CAMTA1: variants seen among roughly 807,000 people sequenced by gnomAD.
CAMTA1 encodes calmodulin binding transcription activator 1, also known as calmodulin-binding transcription activator 1.
Under a neutral mutation model 170.9 loss-of-function variants are expected in CAMTA1, and 27 were observed. The observed-to-expected ratio is 0.16, with a 90% CI of 0.12 to 0.22. The LOEUF is 0.22. Among genes scored for constraint, CAMTA1 ranks in the 10% least tolerant of loss-of-function variants. The probability of loss-of-function intolerance (pLI) is 1.00; values close to 1 mark genes in which losing one functional copy is unlikely to be tolerated. For synonymous variants in CAMTA1, 833 were observed against 891.5 expected, an observed-to-expected ratio of 0.93 and a Z score of 1.17; for missense variants, 1,619 against 2,217.2, an observed-to-expected ratio of 0.73 and a Z score of 5.42.
In CAMTA1 at chr1:7,001,670, C is replaced by T. The variant is rs142336957; in HGVS notation, c.235-89634C>T. Among the ~76,000 whole-genome samples the T allele has an allele frequency of 5.0e-3, 758 of 152,280 alleles. 12 individuals carry two copies. The highest frequency in any genetic ancestry group is 0.017 in the African/African-American group (710 of 41,552). ...TTCAAAGGATGCTGGTCTTCACCAC[C>T]TTTGTCATCCTTTTGGGAGTGAGCC... On this transcript the variant is annotated intron_variant, in intron 3 of 22. Transcript: ENST00000303635.
chr1:7,110,932 A>G (rs546659941), intron 4 of CAMTA1, among the ~76,000 whole-genome samples: 1 of 152,326 alleles, frequency 6.6e-6, no homozygotes, highest in African/African-American at 2.4e-5. Flanking sequence ...ACAGTTCTGT[A>G]TGTTAGACGT....
intron 4 of CAMTA1, among the ~76,000 whole-genome samples, chr1:7,235,729 G>A (rs1663707165): frequency 1.3e-5 from 2 of 152,224 alleles, no homozygotes; most frequent in African/African-American, 2.4e-5. Flanking sequence ...GCAAAAGCAG[G>A]AGCAATCACG....
At chr1:7,575,286 A>G (rs905757378) in intron 6 of CAMTA1, among the ~76,000 whole-genome samples, 1 of 151,930 alleles carries the variant, frequency 6.6e-6, no homozygotes, top group South Asian at 2.1e-4. Context: ...GAATTCCTCT[A>G]CCCCACACTG....
At chr1:6,879,104 A>C (rs1321165231) in intron 3 of CAMTA1, among the ~76,000 whole-genome samples, 1 of 152,208 alleles carries the variant, frequency 6.6e-6, no homozygotes, top group Non-Finnish European at 1.5e-5. Flanking sequence ...TCCGCTTGAA[A>C]AAGAGTCCAT....
chr1:7,288,687 G>T (rs1672683225), intron 5 of CAMTA1, among the ~76,000 whole-genome samples: 1 of 152,234 alleles, frequency 6.6e-6, no homozygotes, highest in South Asian at 2.1e-4. Flanking sequence ...CTGAAAGAGA[G>T]CAGTAACCGT....
intron 5 of CAMTA1, among the ~76,000 whole-genome samples, chr1:7,346,359 T>C (rs4908456): frequency 0.25 from 38,534 of 152,098 alleles, 5,604 homozygotes; most frequent in East Asian, 0.56. Flanking sequence ...CTCCTCTTTC[T>C]GATTGTCTCT....
At chr1:7,186,149 A>C (rs1159790626) in intron 4 of CAMTA1, among the ~76,000 whole-genome samples, 2 of 152,154 alleles carry the variant, frequency 1.3e-5, no homozygotes, top group African/African-American at 4.8e-5. Context: ...GCATGTCTGT[A>C]GGTAGAGAGG....
chr1:7,032,857 G>T (rs1444160714), intron 3 of CAMTA1, among the ~76,000 whole-genome samples: 4 of 151,854 alleles, frequency 2.6e-5, no homozygotes, highest in African/African-American at 9.7e-5. Flanking sequence ...TTTTCTCTTA[G>T]CACTTTAAAG....
chr1:6,799,825 C>A (rs951611629), intron 1 of CAMTA1, among the ~76,000 whole-genome samples: 12 of 152,076 alleles, frequency 7.9e-5, no homozygotes, highest in African/African-American at 2.9e-4. Flanking sequence ...TATTTTTGGA[C>A]CTTAGTTGAC....
Position 7,753,047 on chromosome 1 carries a change from C to A in CAMTA1, c.4958+514C>A, listed in dbSNP as rs549047933. Among the ~76,000 whole-genome samples, 156 of 152,274 alleles carry A rather than the reference C, an allele frequency of 1.0e-3. 1 individual carries two copies. Among genetic ancestry groups the A allele is most frequent in the African/African-American group, 3.5e-3 (146 of 41,548 alleles). ...CCAACATGCTCTATTATTAAACTATCAATTAAAGCCGGTCCGTGATGAGGA... is the reference window on the plus strand; with the variant it reads ...CCAACATGCTCTATTATTAAACTATAAATTAAAGCCGGTCCGTGATGAGGA... On this transcript the variant is annotated intron_variant, in intron 21 of 22. Transcript: ENST00000303635.
Position 7,680,871 on chromosome 1 carries a change from C to CAAT in CAMTA1, c.2914+3139_2914+3140insATA, listed in dbSNP as rs1278794699. Among the ~76,000 whole-genome samples the CAAT allele has an allele frequency of 2.0e-5, 2 of 100,556 alleles. No individual in the cohort carries two copies. The highest frequency in any genetic ancestry group is 4.7e-5 in the Non-Finnish European group (2 of 42,280). 66.0% of individuals were successfully genotyped at this position (100,556 alleles called of 152,430 possible). ...GCGCGCGCGCGCGCGCCAGCAGCAG[C>CAAT]AGCAGCAGCAGCTGCTGCGGCGAAG... is the stretch of plus-strand genomic sequence containing the variant. On this transcript the variant is annotated intron_variant, in intron 11 of 22. Coordinates refer to ENST00000303635, the MANE Select transcript of CAMTA1 (RefSeq NM_015215.4). This position sits in a 1 kb window ranked among gnomAD's most constrained non-coding sequence, Gnocchi z 4.4.
At chr1:7,239,845 G>GGAA (rs1284310297) in intron 4 of CAMTA1, among the ~76,000 whole-genome samples, 5 of 151,882 alleles carry the variant, frequency 3.3e-5, no homozygotes, top group Admixed American at 6.6e-5. Flanking sequence ...GGTGGAAGGT[G>GGAA]GAAGGGCAAG....
chr1:7,289,496 A>G (rs1672810425), intron 5 of CAMTA1, among the ~76,000 whole-genome samples: 1 of 152,066 alleles, frequency 6.6e-6, no homozygotes. Flanking sequence ...TCATCTATAA[A>G]ATGAGATGCC....
chr1:7,348,733 C>T (rs556357648), intron 5 of CAMTA1, among the ~76,000 whole-genome samples: 2 of 152,306 alleles, frequency 1.3e-5, no homozygotes, highest in East Asian at 3.9e-4. Flanking sequence ...AATCCAGGTC[C>T]GTTCACCCCT....
intron 11 of CAMTA1, among the ~76,000 whole-genome samples, chr1:7,679,962 C>A (rs530254561): frequency 6.6e-6 from 1 of 152,316 alleles, no homozygotes; most frequent in Non-Finnish European, 1.5e-5. Context: ...TGGGGAGAAG[C>A]GGGTCTTCCC....
intron 3 of CAMTA1, among the ~76,000 whole-genome samples, chr1:6,900,829 TAGTA>T (rs1169986203): frequency 2.0e-5 from 3 of 152,204 alleles, no homozygotes; most frequent in Non-Finnish European, 4.4e-5. Context: ...AAAGACTAAA[TAGTA>T]AGATGTCTGT....
chr1:7,705,063 C>T (rs554206742), intron 11 of CAMTA1, among the ~76,000 whole-genome samples: 1 of 148,170 alleles, frequency 6.7e-6, no homozygotes, highest in Non-Finnish European at 1.5e-5. Flanking sequence ...GTGTGCGGGG[C>T]CAGGCCGGGA....
At chr1:7,684,338 A>C (rs2096240620) in intron 11 of CAMTA1, among the ~76,000 whole-genome samples, 1 of 152,090 alleles carries the variant, frequency 6.6e-6, no homozygotes, top group Non-Finnish European at 1.5e-5. Flanking sequence ...GGCAGCTCAG[A>C]CCCTCCAGGG....
At chr1:7,392,992 G>A (rs538538137) in intron 5 of CAMTA1, among the ~76,000 whole-genome samples, 59 of 151,582 alleles carry the variant, frequency 3.9e-4, no homozygotes, top group Non-Finnish European at 6.9e-4. Flanking sequence ...GTTCGAGGCT[G>A]CAGTGAGCTA....
Sources: gnomAD v4.1 joint callset for allele counts (sites outside exome capture counted in the v4.1 genomes callset) on GRCh38, gnomAD v4.1.1 for gene constraint, Gnocchi (gnomAD v3.1) non-coding constraint, MANE v1.5 for transcripts, NCBI Gene and HGNC (gene_info 2026-07-23, HGNC 2026-07-21) for gene names.